The following LEKR1 variants were observed in gnomAD, a reference collection of about 807,000 sequenced individuals.
LEKR1 encodes leucine, glutamate and lysine rich 1.
LEKR1 carries 59 observed loss-of-function variants against 72.4 expected under a neutral mutation model. The ratio of observed to expected loss-of-function variants is 0.82; its 90% CI spans 0.66 to 1.01. The LOEUF is 1.01. Ranked by LOEUF, LEKR1 falls within the 50% of genes least tolerant of loss-of-function variation. The pLI is 0.00. For synonymous variants in LEKR1, 257 were observed against 263.2 expected (o/e 0.98, Z 0.23); for missense variants, 728 against 759.2 (o/e 0.96, Z 0.48).
intron 3 of LEKR1, among the ~76,000 whole-genome samples, chr3:156,880,058 C>G (rs1023375244): frequency 2.6e-5 from 4 of 152,174 alleles, no homozygotes; most frequent in Non-Finnish European, 4.4e-5. Context: ...GGGGCACTGC[C>G]TAGTGGAGCT....
chr3:156,879,707 C>T (rs1214504182), intron 3 of LEKR1, among the ~76,000 whole-genome samples: 1 of 152,124 alleles, frequency 6.6e-6, no homozygotes, highest in Non-Finnish European at 1.5e-5. Flanking sequence ...GTTTTGTGTG[C>T]CAGGCTCAGG....
chr3:156,842,576 A>C (rs1470546248), intron 2 of LEKR1, among the ~76,000 whole-genome samples: 3 of 152,214 alleles, frequency 2.0e-5, no homozygotes, highest in Non-Finnish European at 4.4e-5. Context: ...GAAAATGACT[A>C]TGCCACACTG....
At chr3:156,926,541 T>TG (rs1342822205) in intron 4 of LEKR1, among the ~76,000 whole-genome samples, 1 of 152,056 alleles carries the variant, frequency 6.6e-6, no homozygotes, top group Non-Finnish European at 1.5e-5. Context: ...TACTCACTGA[T>TG]GAGTTCCCCC....
intron 3 of LEKR1, among the ~76,000 whole-genome samples, chr3:156,862,273 A>AT (rs752293294): frequency 4.6e-5 from 7 of 151,930 alleles, no homozygotes; most frequent in African/African-American, 1.7e-4. Flanking sequence ...GCCACTTATT[A>AT]TTTTTTCTAT....
At chr3:156,924,423 A>G in intron 4 of LEKR1, 1 of 576,664 alleles carries the variant, frequency 1.7e-6, no homozygotes, top group Non-Finnish European at 3.1e-6. Flanking sequence ...TTATCTTTTT[A>G]TTTTCTTAAT....
chr3:156,924,007 G>T (rs62275807), intron 4 of LEKR1, among the ~76,000 whole-genome samples: 9 of 152,134 alleles, frequency 5.9e-5, no homozygotes, highest in Non-Finnish European at 1.0e-4. Context: ...GATTATAGGC[G>T]TGAGCTACCG....
chr3:156,997,444 T>G (rs1213576061), intron 9 of LEKR1, among the ~76,000 whole-genome samples: 1 of 152,184 alleles, frequency 6.6e-6, no homozygotes, highest in Non-Finnish European at 1.5e-5. Flanking sequence ...AGGAAACACT[T>G]TTAATATAGA....
At chr3:156,902,672 T>C (rs1722147900) in intron 3 of LEKR1, among the ~76,000 whole-genome samples, 1 of 149,648 alleles carries the variant, frequency 6.7e-6, no homozygotes, top group African/African-American at 2.5e-5. Context: ...TATGTGTTCC[T>C]ATATTTGGAG....
chr3:156,851,245 T>A (rs1715318927), intron 2 of LEKR1: 1 of 152,228 alleles, frequency 6.6e-6, no homozygotes, highest in Admixed American at 6.5e-5. Flanking sequence ...TCCTGATAGC[T>A]GTCTTCAAAT....
At chr3:156,854,753 T>C (rs1035041660) in intron 3 of LEKR1, among the ~76,000 whole-genome samples, 22 of 151,798 alleles carry the variant, frequency 1.4e-4, no homozygotes, top group African/African-American at 5.3e-4. Flanking sequence ...GCTGTTTTGC[T>C]ATGTTGCCTA....
intron 9 of LEKR1, among the ~76,000 whole-genome samples, chr3:157,000,238 G>A (rs533731273): frequency 6.6e-6 from 1 of 152,176 alleles, no homozygotes; most frequent in East Asian, 1.9e-4. Flanking sequence ...TATATCTTCA[G>A]ATGGAAAATA....
chr3:156,851,046 A>T (rs561714480), intron 2 of LEKR1: 3 of 152,200 alleles, frequency 2.0e-5, no homozygotes, highest in Non-Finnish European at 2.9e-5. Flanking sequence ...AGATATTAGA[A>T]TGAGAGAAGT....
At chr3:156,947,693 A>G (rs546828525) in intron 6 of LEKR1, among the ~76,000 whole-genome samples, 1 of 151,178 alleles carries the variant, frequency 6.6e-6, no homozygotes, top group African/African-American at 2.4e-5. Flanking sequence ...ATATTGAACC[A>G]TAAGTCAGGA....
At chr3:156,985,759 C>T (rs906891779) in intron 7 of LEKR1, among the ~76,000 whole-genome samples, 9 of 151,008 alleles carry the variant, frequency 6.0e-5, no homozygotes, top group African/African-American at 2.2e-4. Flanking sequence ...CTCTTGAAAC[C>T]TGGAGGCAGG....
intron 2 of LEKR1, among the ~76,000 whole-genome samples, chr3:156,831,427 G>C (rs1354484870): frequency 2.0e-5 from 3 of 152,048 alleles, no homozygotes; most frequent in African/African-American, 7.2e-5. Context: ...TTAGTTTAAG[G>C]GATATTATTT....
intron 3 of LEKR1, among the ~76,000 whole-genome samples, chr3:156,880,874 A>G (rs1719230292): frequency 6.6e-6 from 1 of 152,262 alleles, no homozygotes; most frequent in South Asian, 2.1e-4. Context: ...GTAATCCAGC[A>G]TATAAACAGA....
intron 10 of LEKR1, among the ~76,000 whole-genome samples, chr3:157,014,781 T>C (rs183501308): frequency 6.6e-6 from 1 of 152,334 alleles, no homozygotes; most frequent in East Asian, 1.9e-4. Flanking sequence ...ATGATCTCCA[T>C]TAATAATGTA....
At chr3:157,017,445 G>A (rs1733435921) in intron 10 of LEKR1, 1 of 152,170 alleles carries the variant, frequency 6.6e-6, no homozygotes, top group South Asian at 2.1e-4. Flanking sequence ...CTCCCTTACT[G>A]CTCTATATGT....
chr3:156,961,570 G>A (rs910286409), intron 6 of LEKR1, among the ~76,000 whole-genome samples: 5 of 152,254 alleles, frequency 3.3e-5, no homozygotes, highest in Middle Eastern at 3.4e-3. Flanking sequence ...GATAATGTTT[G>A]TGAGTTTCAT....
Sources: gnomAD v4.1 joint callset for allele counts (sites outside exome capture counted in the v4.1 genomes callset) on GRCh38, gnomAD v4.1.1 for gene constraint, MANE v1.5 for transcripts, NCBI Gene and HGNC (gene_info 2026-07-23, HGNC 2026-07-21) for gene names.